The following SIPA1L2 variants were observed in gnomAD, a reference collection of about 807,000 sequenced individuals.
SIPA1L2 encodes the protein signal induced proliferation associated 1 like 2.
A neutral mutation model predicts 163.9 loss-of-function variants in SIPA1L2; 56 were observed. The observed-to-expected ratio is 0.34, with a 90% confidence interval of 0.28 to 0.43. The LOEUF is 0.43. Among genes scored for constraint, SIPA1L2 ranks in the 20% least tolerant of loss-of-function variants. The probability of loss-of-function intolerance (pLI) is 1.00; values close to 1 mark genes in which losing one functional copy is unlikely to be tolerated. For missense variants in SIPA1L2, 1,974 were observed against 2,193.5 expected (o/e 0.90, Z 2.00); for synonymous variants, 877 against 865.7 (o/e 1.01, Z -0.23).
intron 11 of SIPA1L2, among the ~76,000 whole-genome samples, chr1:232,444,356 G>C (rs1431043549): frequency 6.6e-6 from 1 of 151,944 alleles, no homozygotes; most frequent in Non-Finnish European, 1.5e-5. Flanking sequence ...CTTAAATAAG[G>C]GAGGTTCTGC....
chr1:232,494,510 C>T (rs111996084), intron 3 of SIPA1L2, among the ~76,000 whole-genome samples: 30 of 152,262 alleles, frequency 2.0e-4, no homozygotes, highest in Middle Eastern at 3.4e-3. Flanking sequence ...AGAAAATAGC[C>T]GCTACTTATG....
rs200514806 is a variant in SIPA1L2, at chr1:232,514,820, C to T, written c.520G>A (p.Val174Ile). ...GGGTTGACTGCATTTTGGTCTAAGA[C>T]ATCTTCGGCATCAATGTCACTGATA... ...VTISDIDAED[V>I]LDQNAVNPNT... Residue 174 changes from valine to isoleucine, a missense_variant, in exon 3 of 23, where the codon GTC (valine) becomes ATC (isoleucine). This residue lies in a region of SIPA1L2 where 607 missense variants were observed against 624.0 expected (regional missense o/e 0.97). Transcript: ENST00000674635. 1 of 1,614,216 alleles carries T rather than the reference C, an allele frequency of 6.2e-7. No homozygotes were observed. The highest frequency in any genetic ancestry group is 1.7e-5 in the Admixed American group (1 of 60,028).
Position 232,594,665 on chromosome 1 carries a change from A to T in SIPA1L2, c.-318-20443T>A, listed in dbSNP as rs543648512. The stretch of plus-strand genomic sequence containing the variant: ...GCTATTCTTTTTAAGTTTTTTTTTT[A>T]AAAATCAATAAGCTCCCTTGTTCCC... On this transcript the variant is annotated intron_variant, in intron 1 of 22. Coordinates refer to ENST00000674635, the MANE Select transcript of SIPA1L2 (RefSeq NM_020808.5). 1.1e-3 allele frequency among the ~76,000 whole-genome samples: 172 copies of T among 151,850 alleles called. 1 individual carries two copies. Among genetic ancestry groups the T allele is most frequent in the South Asian group, 8.3e-3 (40 of 4,810 alleles).
At chr1:232,552,937 G>A (rs780327591) in intron 2 of SIPA1L2, among the ~76,000 whole-genome samples, 3 of 152,114 alleles carry the variant, frequency 2.0e-5, no homozygotes, top group Non-Finnish European at 4.4e-5. Flanking sequence ...CAGCCACACA[G>A]CTGCATCTAG....
At chr1:232,443,522 G>T in intron 12 of SIPA1L2, 80 bp downstream of exon 12, 1 of 1,100,460 alleles carries the variant, frequency 9.1e-7, no homozygotes, top group Non-Finnish European at 1.3e-6. Context: ...AGGTACAGAA[G>T]GCACACAGTA....
chr1:232,454,639 C>G (rs1447190005), intron 10 of SIPA1L2, among the ~76,000 whole-genome samples: 6 of 152,160 alleles, frequency 3.9e-5, no homozygotes, highest in Non-Finnish European at 8.8e-5. Flanking sequence ...CACGGTGTAA[C>G]CTGTCAAGCA....
chr1:232,581,190 C>T (rs1207128354), intron 1 of SIPA1L2, among the ~76,000 whole-genome samples: 3 of 152,198 alleles, frequency 2.0e-5, no homozygotes, highest in Non-Finnish European at 4.4e-5. Flanking sequence ...AAGGAACCAT[C>T]CCTGCCCTTG....
chr1:232,416,717 T>C (rs1057417043), intron 18 of SIPA1L2, among the ~76,000 whole-genome samples: 2 of 152,224 alleles, frequency 1.3e-5, no homozygotes, highest in Non-Finnish European at 2.9e-5. Context: ...TGCTATTTGA[T>C]ATACAAAGCA....
intron 2 of SIPA1L2, among the ~76,000 whole-genome samples, chr1:232,566,231 T>C (rs1659396354): frequency 3.3e-5 from 5 of 152,202 alleles, no homozygotes; most frequent in Admixed American, 3.3e-4. Flanking sequence ...ATCAGACACA[T>C]TGCTCATTAC....
chr1:232,582,095 G>C (rs1660408700), intron 1 of SIPA1L2, among the ~76,000 whole-genome samples: 1 of 152,186 alleles, frequency 6.6e-6, no homozygotes, highest in South Asian at 2.1e-4. Context: ...TGAATAAGCA[G>C]GCAAGCTTGT....
At chr1:232,420,379 T>C (rs959863274) in intron 18 of SIPA1L2, among the ~76,000 whole-genome samples, 19 of 152,132 alleles carry the variant, frequency 1.2e-4, no homozygotes, top group Non-Finnish European at 2.5e-4. Context: ...CAAGAGCAAT[T>C]GATCACCTGT....
chr1:232,418,602 T>C (rs1219918449), intron 18 of SIPA1L2, among the ~76,000 whole-genome samples: 1 of 152,152 alleles, frequency 6.6e-6, no homozygotes, highest in African/African-American at 2.4e-5. Context: ...CCCCACACAA[T>C]GTGGCACTAA....
chr1:232,478,597 T>C (rs1665163162), intron 7 of SIPA1L2, among the ~76,000 whole-genome samples: 2 of 152,222 alleles, frequency 1.3e-5, no homozygotes. Flanking sequence ...TATTCCTATG[T>C]AGTCCTTGGT....
At chr1:232,557,774 A>G (rs900564010) in intron 2 of SIPA1L2, among the ~76,000 whole-genome samples, 5 of 152,184 alleles carry the variant, frequency 3.3e-5, no homozygotes, top group African/African-American at 1.2e-4. Flanking sequence ...GTATTGTCTC[A>G]CCCTGCCTAA....
chr1:232,494,650 T>A (rs1164412840), intron 3 of SIPA1L2, among the ~76,000 whole-genome samples: 1 of 152,224 alleles, frequency 6.6e-6, no homozygotes, highest in Non-Finnish European at 1.5e-5. Context: ...ATTGCAACTT[T>A]CAAACTTTTT....
chr1:232,458,675 T>C (rs1160514353), intron 10 of SIPA1L2, among the ~76,000 whole-genome samples: 1 of 152,194 alleles, frequency 6.6e-6, no homozygotes, highest in Non-Finnish European at 1.5e-5. Context: ...CTGATTCTTA[T>C]CTTAATAATT....
intron 3 of SIPA1L2, among the ~76,000 whole-genome samples, chr1:232,502,898 C>T (rs1177204779): frequency 2.6e-5 from 4 of 152,186 alleles, no homozygotes; most frequent in African/African-American, 4.8e-5. Context: ...AGAGACTGTG[C>T]CCCCTCCCAT....
chr1:232,494,588 A>G (rs79481109), intron 3 of SIPA1L2, among the ~76,000 whole-genome samples: 224 of 152,336 alleles, frequency 1.5e-3, no homozygotes, highest in Non-Finnish European at 2.2e-3. Flanking sequence ...AACTCCCTTT[A>G]GACTGCTGGT....
intron 18 of SIPA1L2, among the ~76,000 whole-genome samples, chr1:232,423,688 A>G (rs988248109): frequency 1.3e-5 from 2 of 152,258 alleles, no homozygotes; most frequent in Admixed American, 1.3e-4. Flanking sequence ...AATGAACAGT[A>G]TAACTTGACT....
Sources: allele counts gnomAD v4.1 joint callset (sites outside exome capture counted in the v4.1 genomes callset), GRCh38; gene constraint gnomAD v4.1.1; regional missense constraint gnomAD v4.1.1; transcripts MANE v1.5; gene names NCBI Gene and HGNC (gene_info 2026-07-23, HGNC 2026-07-21).